NCKAP5: variants seen among roughly 807,000 people sequenced by gnomAD.
NCKAP5 encodes the protein NCK associated protein 5, also known as nck-associated protein 5.
A neutral mutation model predicts 167.0 loss-of-function variants in NCKAP5; 92 were observed. The observed-to-expected ratio is 0.55, with a 90% CI of 0.47 to 0.66. NCKAP5 has a LOEUF of 0.66. Among genes scored for constraint, NCKAP5 ranks in the 30% least tolerant of loss-of-function variants. The pLI is 0.00. For missense variants in NCKAP5, 2,378 were observed against 2,315.0 expected (o/e 1.03, Z -0.56); for synonymous variants, 891 against 877.4 (o/e 1.02, Z -0.27).
chr2:133,436,692 C>T (rs980518140), intron 3 of NCKAP5, among the ~76,000 whole-genome samples: 27 of 152,120 alleles, frequency 1.8e-4, no homozygotes, highest in Admixed American at 1.7e-3. Flanking sequence ...GACTCGGCTT[C>T]GGCGTCGCCC....
chr2:132,817,102 T>C (rs779786025), intron 11 of NCKAP5, among the ~76,000 whole-genome samples: 29 of 152,236 alleles, frequency 1.9e-4, no homozygotes, highest in Non-Finnish European at 3.8e-4. Flanking sequence ...AGGACCAAGA[T>C]AGACTATGCC....
intron 14 of NCKAP5, 84 bp from the exon 15 acceptor site, chr2:132,781,313 A>G (rs931994872): frequency 8.3e-6 from 11 of 1,324,324 alleles, no homozygotes; most frequent in Non-Finnish European, 1.1e-5. Flanking sequence ...TTAATATTTA[A>G]AGTAACCTCT....
At chr2:133,052,641 C>A (rs2079645125) in intron 6 of NCKAP5, among the ~76,000 whole-genome samples, 3 of 151,622 alleles carry the variant, frequency 2.0e-5, no homozygotes, top group Non-Finnish European at 4.4e-5. Flanking sequence ...TCGCTTGAAC[C>A]CGGGAGGCAG....
intron 6 of NCKAP5, among the ~76,000 whole-genome samples, chr2:133,053,798 T>C (rs1477215812): frequency 6.6e-6 from 1 of 152,234 alleles, no homozygotes; most frequent in Non-Finnish European, 1.5e-5. Flanking sequence ...TGCTACACTG[T>C]AAATCCTTTA....
intron 6 of NCKAP5, among the ~76,000 whole-genome samples, chr2:133,019,518 A>T (rs777800454): frequency 1.2e-4 from 19 of 152,190 alleles, no homozygotes; most frequent in Non-Finnish European, 2.4e-4. Context: ...AAGTTCCTTA[A>T]TTAAGAACAG....
At chr2:132,982,781 G>C (rs2077179565) in intron 7 of NCKAP5, among the ~76,000 whole-genome samples, 2 of 152,126 alleles carry the variant, frequency 1.3e-5, no homozygotes, top group African/African-American at 4.8e-5. Context: ...TTCTGCTCCT[G>C]TGTTACAGGA....
chr2:133,453,263 G>A (rs577170419), intron 3 of NCKAP5, among the ~76,000 whole-genome samples: 25 of 152,156 alleles, frequency 1.6e-4, no homozygotes, highest in East Asian at 5.8e-4. Flanking sequence ...AAATAAATTC[G>A]TCATTTGTCC....
chr2:133,286,974 T>C (rs1468133122), intron 4 of NCKAP5, among the ~76,000 whole-genome samples: 3 of 152,198 alleles, frequency 2.0e-5, no homozygotes, highest in Admixed American at 6.5e-5. Context: ...CTATCCAATG[T>C]AGCAGAATCC....
intron 6 of NCKAP5, among the ~76,000 whole-genome samples, chr2:133,025,553 A>T (rs556664214): frequency 1.4e-4 from 22 of 152,298 alleles, no homozygotes; most frequent in Middle Eastern, 3.4e-3. Flanking sequence ...TGTGGGTAGA[A>T]GTGAGTTTTA....
intron 3 of NCKAP5, among the ~76,000 whole-genome samples, chr2:133,514,130 G>A (rs561534635): frequency 1.2e-4 from 18 of 152,306 alleles, no homozygotes; most frequent in African/African-American, 4.1e-4. Flanking sequence ...TGCCGTGAAC[G>A]TATATACGGC....
intron 3 of NCKAP5, among the ~76,000 whole-genome samples, chr2:133,491,096 G>T (rs1681398565): frequency 6.6e-6 from 1 of 152,134 alleles, no homozygotes; most frequent in Non-Finnish European, 1.5e-5. Context: ...TCATCTATGA[G>T]TTCATACTCC....
intron 5 of NCKAP5, among the ~76,000 whole-genome samples, chr2:133,190,438 C>T (rs1370331900): frequency 6.6e-6 from 1 of 152,042 alleles, no homozygotes; most frequent in African/African-American, 2.4e-5. Context: ...TCATATGGAA[C>T]CAAAAAAGAG....
chr2:133,179,407 C>A (rs2084634275), intron 5 of NCKAP5, among the ~76,000 whole-genome samples: 1 of 151,386 alleles, frequency 6.6e-6, no homozygotes. Context: ...GGATGTTTAA[C>A]CTATACTCCA....
intron 6 of NCKAP5, among the ~76,000 whole-genome samples, chr2:133,015,689 G>C (rs564252887): frequency 6.6e-6 from 1 of 152,156 alleles, no homozygotes; most frequent in East Asian, 1.9e-4. Flanking sequence ...AACATTGTTG[G>C]GTGCAAACAA....
At position 133,211,788 on chromosome 2, in the gene NCKAP5, C is replaced by A. The variant is rs190552302; in HGVS notation, c.207+1928G>T. Among the ~76,000 whole-genome samples, 453 of 152,220 alleles carry A rather than the reference C, an allele frequency of 3.0e-3. 1 individual carries two copies. Among genetic ancestry groups the A allele is most frequent in the African/African-American group, 0.01 (426 of 41,540 alleles). ...ATTAAAATTAGAATAATGAAACATT[C>A]GTAACTTTTCCAAAGTCATTTTTTG... On this transcript the variant is annotated intron_variant, in intron 5 of 19. Coordinates refer to ENST00000409261, the MANE Select transcript of NCKAP5 (RefSeq NM_207363.3).
intron 4 of NCKAP5, among the ~76,000 whole-genome samples, chr2:133,276,190 T>C (rs1224850625): frequency 6.6e-6 from 1 of 152,188 alleles, no homozygotes. Flanking sequence ...CTTACTTTCT[T>C]GTAAGACTGC....
At chr2:133,016,610 A>G (rs1423889001) in intron 6 of NCKAP5, among the ~76,000 whole-genome samples, 1 of 152,260 alleles carries the variant, frequency 6.6e-6, no homozygotes. Flanking sequence ...GCTATCTAAA[A>G]TGAATCATAA....
chr2:132,784,401 G>A lies in NCKAP5; in HGVS notation c.2410C>T (p.Pro804Ser). The A allele has an allele frequency of 6.2e-7, 1 of 1,613,496 alleles. No homozygotes were observed. The highest frequency in any genetic ancestry group is 8.5e-7 in the Non-Finnish European group (1 of 1,179,746). Reference protein sequence around the residue: ...IYQKQNLTKIPPRGKSSPQKS... With the variant: ...IYQKQNLTKISPRGKSSPQKS... ...TGAGGTGAAGACTTGCCCCTGGGAG[G>A]TATTTTTGTCAGATTTTGCTTTTGA... The change falls in exon 14 of 20, where the codon CCT becomes TCT. Residue 804 changes from proline (P) to serine (S), a missense_variant. Around this residue, in one of 3 missense-constraint regions of NCKAP5, gnomAD observed 1,049 missense variants for 1,023.4 expected, o/e 1.02. Transcript: ENST00000409261.
At chr2:133,444,379 GATAGAT>G (rs1691054293) in intron 3 of NCKAP5, among the ~76,000 whole-genome samples, 1 of 150,488 alleles carries the variant, frequency 6.6e-6, no homozygotes, top group Non-Finnish European at 1.5e-5. Flanking sequence ...TAGATAGATA[GATAGAT>G]AGATAGATAG....
Sources: allele counts gnomAD v4.1 joint callset (sites outside exome capture counted in the v4.1 genomes callset), GRCh38; gene constraint gnomAD v4.1.1; regional missense constraint gnomAD v4.1.1; transcripts MANE v1.5; gene names NCBI Gene and HGNC (gene_info 2026-07-23, HGNC 2026-07-21).